CCDC171: variants seen among roughly 807,000 people sequenced by gnomAD.
CCDC171 encodes coiled-coil domain containing 171, also known as coiled-coil domain-containing protein 171.
A neutral mutation model predicts 168.2 loss-of-function variants in CCDC171; 177 were observed. The ratio of observed to expected loss-of-function variants is 1.05; its 90% CI spans 0.93 to 1.19. The LOEUF (loss-of-function observed/expected upper bound fraction) is 1.19. Among genes scored for constraint, CCDC171 ranks in the 50% most tolerant of loss-of-function variants. The pLI, the probability that CCDC171 is intolerant of heterozygous loss-of-function variation, is 0.00. For missense variants in CCDC171, 1,991 were observed against 1,539.0 expected, an observed-to-expected ratio of 1.29 and a Z score of -4.91; for synonymous variants, 687 against 540.8, an observed-to-expected ratio of 1.27 and a Z score of -3.75.
At chr9:15,811,360 T>C (rs1306983925) in intron 21 of CCDC171, among the ~76,000 whole-genome samples, 1 of 152,204 alleles carries the variant, frequency 6.6e-6, no homozygotes, top group Non-Finnish European at 1.5e-5. Flanking sequence ...CAAATAAATA[T>C]GGAAAATATA....
At chr9:15,704,063 A>G (rs1399183439) in intron 11 of CCDC171, among the ~76,000 whole-genome samples, 1 of 152,220 alleles carries the variant, frequency 6.6e-6, no homozygotes, top group African/African-American at 2.4e-5. Context: ...TGCTCAAGGT[A>G]GGTTGCCACA....
intron 9 of CCDC171, among the ~76,000 whole-genome samples, chr9:15,676,535 G>C (rs753776677): frequency 6.6e-6 from 1 of 151,932 alleles, no homozygotes; most frequent in Non-Finnish European, 1.5e-5. Flanking sequence ...AAGCGCTCGA[G>C]CTGGACAAGT....
intron 4 of CCDC171, among the ~76,000 whole-genome samples, chr9:15,590,543 G>T (rs1314689420): frequency 6.6e-6 from 1 of 152,170 alleles, no homozygotes; most frequent in African/African-American, 2.4e-5. Flanking sequence ...TATTGTTGAG[G>T]TAATCGGGTA....
At chr9:15,733,383 T>C (rs566219287) in intron 16 of CCDC171, among the ~76,000 whole-genome samples, 43 of 152,240 alleles carry the variant, frequency 2.8e-4, no homozygotes, top group African/African-American at 9.9e-4. Context: ...CACCATTTTT[T>C]TCCCTATATG....
At chr9:16,078,055 AACACACAC>A in the CCDC171 span, among the ~76,000 whole-genome samples, 1,170 of 143,898 alleles carry the variant, frequency 8.1e-3, 6 homozygotes, top group Middle Eastern at 0.023. Flanking sequence ...CACCCATGCA[AACACACAC>A]ACACACACAC....
intron 7 of CCDC171, among the ~76,000 whole-genome samples, chr9:15,651,806 A>C (rs938478703): frequency 2.0e-5 from 3 of 152,122 alleles, no homozygotes; most frequent in African/African-American, 7.2e-5. Context: ...TGTTGTAATA[A>C]GTTTTTAATT....
intron 25 of CCDC171, among the ~76,000 whole-genome samples, chr9:15,962,934 T>A (rs1456177104): frequency 6.6e-6 from 1 of 151,864 alleles, no homozygotes; most frequent in Non-Finnish European, 1.5e-5. Flanking sequence ...AACACATGTA[T>A]ACATTTTGAA....
At chr9:15,580,541 CAA>C (rs1202953445) in intron 4 of CCDC171, among the ~76,000 whole-genome samples, 1 of 151,758 alleles carries the variant, frequency 6.6e-6, no homozygotes, top group Non-Finnish European at 1.5e-5. Context: ...AAGAAAAAAA[CAA>C]ATAATCCCAT....
intron 21 of CCDC171, 81 bp from the exon 22 acceptor site, chr9:15,846,621 T>C: frequency 6.9e-7 from 1 of 1,443,796 alleles, no homozygotes; most frequent in Non-Finnish European, 9.5e-7. Flanking sequence ...GTCTGTATTC[T>C]TCTTTGTTTA....
intron 7 of CCDC171, among the ~76,000 whole-genome samples, chr9:15,643,197 G>T (rs531349744): frequency 6.6e-6 from 1 of 151,994 alleles, no homozygotes; most frequent in East Asian, 1.9e-4. Flanking sequence ...CAATCCTATG[G>T]GCTATTTCCT....
At chr9:15,595,293 C>T (rs1050656398) in intron 6 of CCDC171, among the ~76,000 whole-genome samples, 1 of 152,096 alleles carries the variant, frequency 6.6e-6, no homozygotes, top group Non-Finnish European at 1.5e-5. Context: ...TGCTATCCCT[C>T]CCCGCTCCCC....
chr9:15,863,555 C>T (rs2061649443), intron 23 of CCDC171, among the ~76,000 whole-genome samples: 1 of 151,796 alleles, frequency 6.6e-6, no homozygotes, highest in South Asian at 2.1e-4. Flanking sequence ...GTGTCAACTT[C>T]AAAATTTATA....
intron 23 of CCDC171, among the ~76,000 whole-genome samples, chr9:15,857,511 C>T (rs994734388): frequency 2.0e-5 from 3 of 151,904 alleles, no homozygotes; most frequent in African/African-American, 4.8e-5. Flanking sequence ...CAACCTCTGC[C>T]TCCTGGGTTC....
chr9:15,581,283 A>T (rs907391993), intron 4 of CCDC171, among the ~76,000 whole-genome samples: 2 of 152,222 alleles, frequency 1.3e-5, no homozygotes, highest in South Asian at 4.1e-4. Context: ...ATAAGAGAGG[A>T]CACAAACAAA....
chr9:16,067,601 A>G, the CCDC171 span, among the ~76,000 whole-genome samples: 21 of 152,280 alleles, frequency 1.4e-4, no homozygotes, highest in South Asian at 4.4e-3. Context: ...TTTAGGTCTA[A>G]CGTTTAAGTC....
At chr9:16,052,586 T>G (rs754824150) in intron 1 of CCDC171, among the ~76,000 whole-genome samples, 25 of 152,118 alleles carry the variant, frequency 1.6e-4, no homozygotes, top group Non-Finnish European at 3.4e-4. Context: ...AAAATAAAAT[T>G]TGCCTCCTAA....
At position 15,894,021 on chromosome 9, in the gene CCDC171, C is replaced by G. The variant is rs139095101; in HGVS notation, c.3600+19358C>G. ...GTTCACAATAGTGAAGACATGAAAT[C>G]AACCCAAATGCCCTTCAATGATAGA... On this transcript the variant is annotated intron_variant, in intron 24 of 25. Coordinates refer to ENST00000380701, the MANE Select transcript of CCDC171 (RefSeq NM_173550.4). 5.3e-5 allele frequency among the ~76,000 whole-genome samples: 8 copies of G among 152,254 alleles called. No homozygotes were observed. In the East Asian group the frequency reaches 1.4e-3, roughly 26 times the overall value.
At chr9:15,711,241 C>T (rs1018368671) in intron 11 of CCDC171, among the ~76,000 whole-genome samples, 3 of 152,140 alleles carry the variant, frequency 2.0e-5, no homozygotes, top group Non-Finnish European at 2.9e-5. Context: ...TTGGACAGTA[C>T]AGAATTGAAG....
intron 21 of CCDC171, among the ~76,000 whole-genome samples, chr9:15,814,655 G>A (rs562604519): frequency 3.4e-4 from 51 of 151,588 alleles, no homozygotes; most frequent in African/African-American, 6.3e-4. Context: ...TTACAATTGC[G>A]TATGAAACAC....
Sources: gnomAD v4.1 joint callset for allele counts (sites outside exome capture counted in the v4.1 genomes callset) on GRCh38, gnomAD v4.1.1 for gene constraint, MANE v1.5 for transcripts, NCBI Gene and HGNC (gene_info 2026-07-23, HGNC 2026-07-21) for gene names.